NRG3: variants seen among roughly 807,000 people sequenced by gnomAD.
The protein encoded by NRG3 is neuregulin 3.
NRG3 carries 31 observed loss-of-function variants against 66.9 expected under a neutral mutation model. That is an observed-to-expected ratio of 0.46 (90% CI 0.35 to 0.63). NRG3 has a LOEUF of 0.63. NRG3 is among the 20% of genes least tolerant of loss of function. The probability of loss-of-function intolerance (pLI) is 0.00; values close to 1 mark genes in which losing one functional copy is unlikely to be tolerated. For missense variants in NRG3, 910 were observed against 878.9 expected (o/e 1.04, Z -0.45); for synonymous variants, 393 against 359.4 (o/e 1.09, Z -1.06).
rs1259728213 is a variant in NRG3, at chr10:82,985,281, G to A, written c.1767G>A (p.Met589Ile). The A allele has an allele frequency of 6.2e-7, 1 of 1,614,142 alleles. No individual in the cohort carries two copies. Among genetic ancestry groups the A allele is most frequent in the South Asian group, 1.1e-5 (1 of 91,082 alleles). ...GTTTAGAGGAAACCTGCCTGCAAAT[G>A]CCAGGGATTTCTGAAGTCAAAAGCA... ...SVGLEETCLQ[M>I]PGISEVKSIK... The change falls in exon 9 of 9, where the codon ATG becomes ATA. Residue 589 changes from methionine to isoleucine, a missense_variant. Transcript: ENST00000372141.
intron 2 of NRG3, among the ~76,000 whole-genome samples, chr10:82,589,660 C>G (rs1358715298): frequency 6.6e-6 from 1 of 152,216 alleles, no homozygotes; most frequent in East Asian, 1.9e-4. Flanking sequence ...GATTTTCCCT[C>G]CCTTTGAGGG....
intron 3 of NRG3, among the ~76,000 whole-genome samples, chr10:82,805,852 T>C (rs2061256502): frequency 1.3e-5 from 2 of 152,216 alleles, no homozygotes; most frequent in Admixed American, 6.5e-5. Context: ...TTTGGTGGGC[T>C]GTAAGCAAAT....
intron 3 of NRG3, among the ~76,000 whole-genome samples, chr10:82,787,780 A>T (rs1445676552): frequency 6.6e-6 from 1 of 152,170 alleles, no homozygotes. Flanking sequence ...TCTGAATGTC[A>T]AAAGTCAAAT....
intron 1 of NRG3, among the ~76,000 whole-genome samples, chr10:82,301,269 C>G (rs908092535): frequency 1.3e-5 from 2 of 152,092 alleles, no homozygotes; most frequent in Non-Finnish European, 2.9e-5. Context: ...CCAATTTGAT[C>G]CAATGATTAT....
intron 1 of NRG3, among the ~76,000 whole-genome samples, chr10:82,326,205 T>C (rs918433704): frequency 6.6e-6 from 1 of 152,170 alleles, no homozygotes; most frequent in Non-Finnish European, 1.5e-5. Flanking sequence ...CCTTTCAGTT[T>C]CTTAAAGATC....
chr10:82,417,698 C>T (rs2088681560), intron 2 of NRG3, among the ~76,000 whole-genome samples: 1 of 152,092 alleles, frequency 6.6e-6, no homozygotes, highest in Non-Finnish European at 1.5e-5. Flanking sequence ...TCACAGTCAG[C>T]GAAATGGTGG....
chr10:82,270,628 C>T (rs761021285), intron 1 of NRG3, among the ~76,000 whole-genome samples: 9 of 152,106 alleles, frequency 5.9e-5, no homozygotes, highest in Non-Finnish European at 1.2e-4. Context: ...GGTCAACTTT[C>T]CTTTGCCCTT....
intron 1 of NRG3, among the ~76,000 whole-genome samples, chr10:82,223,804 A>AACT (rs1299023097): frequency 4.6e-5 from 7 of 152,128 alleles, no homozygotes; most frequent in Admixed American, 3.3e-4. Context: ...AAATGTAGTC[A>AACT]ACTAGCAGGA....
intron 2 of NRG3, among the ~76,000 whole-genome samples, chr10:82,446,921 C>T (rs1020461158): frequency 2.6e-5 from 4 of 152,118 alleles, no homozygotes; most frequent in Non-Finnish European, 2.9e-5. Flanking sequence ...TCTTATTCCT[C>T]AGGAATCTAT....
chr10:82,380,145 C>T (rs964709423), intron 2 of NRG3, among the ~76,000 whole-genome samples: 7 of 151,936 alleles, frequency 4.6e-5, no homozygotes, highest in African/African-American at 1.7e-4. Flanking sequence ...ACTCAGTGTA[C>T]ATGTGGAGCT....
At chr10:82,366,316 C>T (rs1338222210) in intron 2 of NRG3, among the ~76,000 whole-genome samples, 1 of 152,076 alleles carries the variant, frequency 6.6e-6, no homozygotes, top group Admixed American at 6.6e-5. Flanking sequence ...TCAAGAATCC[C>T]GTGAGAGAAA....
chr10:82,656,321 T>C (rs2051857880), intron 2 of NRG3, among the ~76,000 whole-genome samples: 2 of 150,438 alleles, frequency 1.3e-5, no homozygotes, highest in African/African-American at 4.9e-5. Flanking sequence ...TTTTTTTTTT[T>C]TTTGGTAGTA....
intron 3 of NRG3, among the ~76,000 whole-genome samples, chr10:82,859,445 T>C (rs2063995775): frequency 6.6e-6 from 1 of 152,198 alleles, no homozygotes; most frequent in Non-Finnish European, 1.5e-5. Flanking sequence ...AGTGAGTTCC[T>C]GTTCATAGGC....
chr10:82,895,050 G>A (rs982072571), intron 4 of NRG3, among the ~76,000 whole-genome samples: 18 of 152,112 alleles, frequency 1.2e-4, no homozygotes, highest in South Asian at 4.2e-4. Context: ...AGCTTCATCC[G>A]TGTGCCTGCA....
rs1043945664 is a variant in NRG3 at position 82,852,090 on chromosome 10, C to A, written c.1028-13321C>A. ...TTGGAAAGGGAATGTGGGGATAGCACTGGAGAAGCAGGATAGGGCTGCAGC... is the reference window on the plus strand; with the variant it reads ...TTGGAAAGGGAATGTGGGGATAGCAATGGAGAAGCAGGATAGGGCTGCAGC... On this transcript the variant is annotated intron_variant, in intron 3 of 8. Coordinates refer to ENST00000372141, the MANE Select transcript of NRG3 (RefSeq NM_001010848.4). Among the ~76,000 whole-genome samples the A allele has an allele frequency of 3.3e-5, 5 of 152,148 alleles. 1 individual carries two copies.
intron 1 of NRG3, among the ~76,000 whole-genome samples, chr10:82,082,154 A>C (rs1229395746): frequency 2.0e-5 from 3 of 152,178 alleles, no homozygotes. Context: ...CTAACTGCTT[A>C]TGTGTACTGC....
intron 2 of NRG3, among the ~76,000 whole-genome samples, chr10:82,665,146 T>C (rs1353458940): frequency 6.6e-6 from 1 of 152,178 alleles, no homozygotes; most frequent in Non-Finnish European, 1.5e-5. Context: ...TCCTGAAACC[T>C]GATTGCACCT....
At chr10:82,006,389 C>T (rs1386862307) in intron 1 of NRG3, among the ~76,000 whole-genome samples, 2 of 152,050 alleles carry the variant, frequency 1.3e-5, no homozygotes, top group Non-Finnish European at 2.9e-5. Context: ...TAACTATCTT[C>T]TTCCAACCTG....
intron 2 of NRG3, among the ~76,000 whole-genome samples, chr10:82,521,239 G>A (rs561995216): frequency 6.6e-6 from 1 of 152,236 alleles, no homozygotes; most frequent in African/African-American, 2.4e-5. Flanking sequence ...ACAATCATCT[G>A]AGCTTTCAGG....
Sources: gnomAD v4.1 joint callset for allele counts (sites outside exome capture counted in the v4.1 genomes callset) on GRCh38, gnomAD v4.1.1 for gene constraint, MANE v1.5 for transcripts, NCBI Gene and HGNC (gene_info 2026-07-23, HGNC 2026-07-21) for gene names.